The following TBL1X variants were observed in gnomAD, a reference collection of about 807,000 sequenced individuals.
The protein encoded by TBL1X is transducin beta like 1 X-linked.
In TBL1X, 10 loss-of-function variants were observed where a neutral mutation model predicts 50.7. The ratio of observed to expected loss-of-function variants is 0.20; its 90% CI spans 0.12 to 0.33. The LOEUF is 0.33. Among genes scored for constraint, TBL1X ranks in the 10% least tolerant of loss-of-function variants. TBL1X has a pLI of 1.00. For missense variants in TBL1X, 340 were observed against 504.4 expected, an observed-to-expected ratio of 0.67 and a Z score of 3.12; for synonymous variants, 190 against 214.7, an observed-to-expected ratio of 0.88 and a Z score of 1.01.
At chrX:9,468,936 C>T (rs2081795020) in intron 1 of TBL1X, among the ~76,000 whole-genome samples, 2 of 110,691 alleles carry the variant, frequency 1.8e-5, no homozygotes, top group South Asian at 7.7e-4. Flanking sequence ...GCCTCAGCCT[C>T]CTAAGTAGCT....
intron 2 of TBL1X, among the ~76,000 whole-genome samples, chrX:9,608,425 A>G (rs1019019344): frequency 8.9e-6 from 1 of 112,009 alleles, no homozygotes; most frequent in Non-Finnish European, 1.9e-5. Flanking sequence ...GTGCAGATCC[A>G]TTCACCCATC....
At chrX:9,579,206 C>T (rs2082427673) in intron 2 of TBL1X, among the ~76,000 whole-genome samples, 1 of 112,034 alleles carries the variant, frequency 8.9e-6, no homozygotes, top group Non-Finnish European at 1.9e-5. Context: ...AGTCTAGCTC[C>T]ACAACAGTGG....
intron 2 of TBL1X, among the ~76,000 whole-genome samples, chrX:9,617,279 C>T (rs1463330896): frequency 9.0e-6 from 1 of 111,249 alleles, no homozygotes; most frequent in African/African-American, 3.3e-5. Flanking sequence ...GCTCCCCTTG[C>T]CCACCGTCCT....
intron 3 of TBL1X, among the ~76,000 whole-genome samples, chrX:9,647,154 A>G (rs1212032341): frequency 1.8e-5 from 2 of 111,826 alleles, no homozygotes; most frequent in Non-Finnish European, 3.8e-5. Flanking sequence ...CTGTTTTGTG[A>G]AGGGAACTGC....
At chrX:9,569,741 A>G (rs919918249) in intron 2 of TBL1X, among the ~76,000 whole-genome samples, 5 of 112,432 alleles carry the variant, frequency 4.4e-5, no homozygotes, top group Admixed American at 1.9e-4. Context: ...ATCTAAGCAC[A>G]TACATAATCC....
rs764000167 is a variant in TBL1X, at chrX:9,610,405, G to A, written c.-130-29868G>A. Among the ~76,000 whole-genome samples the A allele has an allele frequency of 2.7e-5, 3 of 112,494 alleles. No homozygotes were observed. The South Asian group carries it at 1.1e-3, about 41-fold the overall frequency. ...ACTAATTTGTTTCTACTTGTCATTA[G>A]CCAAAGTTCAGTGTTTCCCAAGGAT... On this transcript the variant is annotated intron_variant, in intron 2 of 17. Coordinates refer to ENST00000645353, the MANE Select transcript of TBL1X (RefSeq NM_005647.4).
chrX:9,647,656 G>A (rs765814643), intron 3 of TBL1X, among the ~76,000 whole-genome samples: 5 of 112,087 alleles, frequency 4.5e-5, no homozygotes, highest in South Asian at 3.7e-4. Context: ...GATGCTGTTC[G>A]GGAAACCGGT....
At chrX:9,712,487 G>A (rs776858592) in intron 16 of TBL1X, among the ~76,000 whole-genome samples, 4 of 112,119 alleles carry the variant, frequency 3.6e-5, no homozygotes, top group East Asian at 2.8e-4. Context: ...ACAGGCACCC[G>A]CCATCATGCC....
intron 2 of TBL1X, among the ~76,000 whole-genome samples, chrX:9,638,323 T>C (rs2082758522): frequency 8.9e-6 from 1 of 112,708 alleles, no homozygotes; most frequent in Non-Finnish European, 1.9e-5. Context: ...TTTGGCAATA[T>C]GTAAACTTTC....
intron 6 of TBL1X, among the ~76,000 whole-genome samples, chrX:9,685,784 A>G (rs1028917062): frequency 1.4e-4 from 13 of 90,508 alleles, no homozygotes; most frequent in Non-Finnish European, 2.7e-4. Context: ...GTACAGTGGT[A>G]CAATCATAGC....
intron 2 of TBL1X, among the ~76,000 whole-genome samples, chrX:9,597,865 G>T (rs890087807): frequency 2.7e-5 from 3 of 111,927 alleles, no homozygotes; most frequent in Non-Finnish European, 5.6e-5. Context: ...ACGTTAGTCA[G>T]TGTCCCGGCT....
intron 1 of TBL1X, among the ~76,000 whole-genome samples, chrX:9,470,105 T>A (rs760058030): frequency 8.9e-6 from 1 of 112,398 alleles, no homozygotes; most frequent in South Asian, 3.7e-4. Context: ...TTAAAATTTT[T>A]TAAAAATTTT....
chrX:9,523,041 T>A (rs1186907601), intron 2 of TBL1X, among the ~76,000 whole-genome samples: 1 of 111,832 alleles, frequency 8.9e-6, no homozygotes, highest in Admixed American at 9.4e-5. Flanking sequence ...ACCTCTGTCT[T>A]CTATTCTTCA....
At chrX:9,560,755 C>T (rs779651971) in intron 2 of TBL1X, among the ~76,000 whole-genome samples, 5 of 111,537 alleles carry the variant, frequency 4.5e-5, no homozygotes, top group South Asian at 7.5e-4. Flanking sequence ...AGACAGATTG[C>T]GGGGCCATTC....
intron 2 of TBL1X, among the ~76,000 whole-genome samples, chrX:9,627,892 A>G (rs771285036): frequency 1.2e-4 from 13 of 112,112 alleles, no homozygotes; most frequent in Non-Finnish European, 2.1e-4. Flanking sequence ...AACAGGGCTG[A>G]TGTGATGGTT....
chrX:9,481,378 A>G lies in TBL1X; in HGVS notation c.-201+15931A>G, dbSNP rs141936348. 3.7e-3 allele frequency among the ~76,000 whole-genome samples: 414 copies of G among 112,395 alleles called. 2 individuals are homozygous for G. Among genetic ancestry groups the G allele is most frequent in the African/African-American group, 0.013 (389 of 30,980 alleles). ...TTTGAGCTATTTATAGCTTTTAACA[A>G]TTGGATAAAGTATGCTCTTGTGAAC... On this transcript the variant is annotated intron_variant, in intron 1 of 17. Coordinates refer to ENST00000645353, the MANE Select transcript of TBL1X (RefSeq NM_005647.4).
At chrX:9,525,775 T>C (rs1164252688) in intron 2 of TBL1X, among the ~76,000 whole-genome samples, 1 of 112,210 alleles carries the variant, frequency 8.9e-6, no homozygotes, top group East Asian at 2.8e-4. Context: ...TTTAAATGTT[T>C]ATGTAAATTA....
At chrX:9,609,020 G>A (rs766220837) in intron 2 of TBL1X, among the ~76,000 whole-genome samples, 12 of 111,764 alleles carry the variant, frequency 1.1e-4, no homozygotes, top group African/African-American at 3.6e-4. Context: ...GTGACTGGGC[G>A]GGGGTTGGTC....
At position 9,686,736 on chromosome X, in the gene TBL1X, A is replaced by C. The variant is rs747004560; in HGVS notation, c.358-1281A>C. ...GAGACAGTGTGCCCGCGGAGTTTAA[A>C]TGAGGACATGTTGTTACTACTTTGG... On this transcript the variant is annotated intron_variant, in intron 6 of 17. Transcript: ENST00000645353. 2.2e-3 allele frequency among the ~76,000 whole-genome samples: 243 copies of C among 111,985 alleles called. 1 individual carries two copies. Among genetic ancestry groups the C allele is most frequent in the African/African-American group, 6.9e-3 (214 of 30,801 alleles).
Sources: allele counts gnomAD v4.1 joint callset (sites outside exome capture counted in the v4.1 genomes callset), GRCh38; gene constraint gnomAD v4.1.1; transcripts MANE v1.5; gene names NCBI Gene and HGNC (gene_info 2026-07-23, HGNC 2026-07-21).